DNAI3: variants seen among roughly 807,000 people sequenced by gnomAD.
DNAI3 encodes dynein axonemal intermediate chain 3, also known as WD repeat domain 63.
A neutral mutation model predicts 115.5 loss-of-function variants in DNAI3; 83 were observed. That is an observed-to-expected ratio of 0.72 (90% CI 0.60 to 0.86). The LOEUF (loss-of-function observed/expected upper bound fraction) is 0.86. Among genes scored for constraint, DNAI3 ranks in the 40% least tolerant of loss-of-function variants. DNAI3 has a pLI of 0.00. For missense variants in DNAI3, 1,004 were observed against 1,075.8 expected, an observed-to-expected ratio of 0.93 and a Z score of 0.93; for synonymous variants, 320 against 347.0, an observed-to-expected ratio of 0.92 and a Z score of 0.86.
intron 8 of DNAI3, among the ~76,000 whole-genome samples, chr1:85,091,187 A>G (rs914455282): frequency 1.8e-4 from 27 of 152,184 alleles, no homozygotes; most frequent in African/African-American, 6.0e-4. Context: ...TCCCCTTATC[A>G]AAATTTAGTA....
At chr1:85,097,542 T>A in intron 11 of DNAI3, 27 bp from the exon 12 acceptor site, 1 of 1,580,036 alleles carries the variant, frequency 6.3e-7, no homozygotes, top group Non-Finnish European at 8.6e-7. Context: ...TCTGAAAAGG[T>A]TATGATAACA....
intron 14 of DNAI3, among the ~76,000 whole-genome samples, chr1:85,107,013 A>G (rs183316850): frequency 6.6e-6 from 1 of 152,220 alleles, no homozygotes; most frequent in African/African-American, 2.4e-5. Context: ...AATGCAACCC[A>G]AAACTACTTT....
chr1:85,097,750 A>G (rs1655166567), intron 12 of DNAI3, 95 bp downstream of exon 12: 1 of 1,087,134 alleles, frequency 9.2e-7, no homozygotes, highest in Non-Finnish European at 1.3e-6. Flanking sequence ...TAAAAACTCA[A>G]GAGAAAAAAG....
intron 11 of DNAI3, among the ~76,000 whole-genome samples, chr1:85,096,738 C>T (rs1197702272): frequency 6.6e-6 from 1 of 151,968 alleles, no homozygotes; most frequent in African/African-American, 2.4e-5. Context: ...GTTTGAAAAA[C>T]TTCCTTGTGG....
chr1:85,073,725 A>G (rs747003475), intron 3 of DNAI3, among the ~76,000 whole-genome samples: 1 of 152,208 alleles, frequency 6.6e-6, no homozygotes, highest in Non-Finnish European at 1.5e-5. Context: ...GAATGAGGAA[A>G]TATTGGTAGT....
intron 13 of DNAI3, among the ~76,000 whole-genome samples, chr1:85,103,782 G>C (rs141384398): frequency 0.052 from 7,863 of 151,628 alleles, 274 homozygotes; most frequent in East Asian, 0.15. Flanking sequence ...AGCTACTCAG[G>C]AGGCTGACCC....
chr1:85,071,886 CA>C (rs1350144724), intron 1 of DNAI3, 41 bp from the exon 2 acceptor site: 1 of 1,549,082 alleles, frequency 6.5e-7, no homozygotes, highest in African/African-American at 1.4e-5. Context: ...AAGTTGTTTG[CA>C]AATTGTAACA....
rs974039116 is a variant in DNAI3 at position 85,118,000 on chromosome 1, A to G, written c.1917+141A>G. On this transcript the variant is annotated intron_variant, in intron 17 of 22. Transcript: ENST00000294664. ...ATTTTAGTATGCTTGTTTGCATTAA[A>G]CATTTTTAACTCTGATACCTCATAG... is the stretch of plus-strand genomic sequence containing the variant. 6 of 1,030,140 alleles carry G rather than the reference A, an allele frequency of 5.8e-6. No individual in the cohort carries two copies. The African/African-American group carries it at 8.1e-5, about 14-fold the overall frequency. 63.8% of individuals were successfully genotyped at this position (1,030,140 alleles called of 1,614,324 possible).
chr1:85,085,435 C>T (rs1654773353), intron 6 of DNAI3, among the ~76,000 whole-genome samples: 1 of 152,138 alleles, frequency 6.6e-6, no homozygotes, highest in Non-Finnish European at 1.5e-5. Context: ...TGGAGGAAGG[C>T]CTGCCAGGCT....
chr1:85,116,194 T>G (rs999413519), intron 16 of DNAI3, among the ~76,000 whole-genome samples: 2 of 152,208 alleles, frequency 1.3e-5, no homozygotes, highest in Non-Finnish European at 2.9e-5. Context: ...CTGAGAATTC[T>G]CCATCTGACT....
intron 18 of DNAI3, among the ~76,000 whole-genome samples, chr1:85,122,776 A>G (rs1656028301): frequency 6.6e-6 from 1 of 152,194 alleles, no homozygotes; most frequent in African/African-American, 2.4e-5. Context: ...AGAAAACATT[A>G]GTATAAAGTG....
At chr1:85,094,329 CA>C (rs1453307067) in intron 9 of DNAI3, 101 bp from the exon 10 acceptor site, 1 of 1,490,040 alleles carries the variant, frequency 6.7e-7, no homozygotes, top group Admixed American at 1.9e-5. Flanking sequence ...CTCCTGTGGA[CA>C]AAGTGTAAAT....
chr1:85,125,808 T>C (rs142173894), intron 19 of DNAI3, among the ~76,000 whole-genome samples: 41 of 152,314 alleles, frequency 2.7e-4, no homozygotes, highest in African/African-American at 9.6e-4. Flanking sequence ...CAGATGTAAG[T>C]AGGCGAAGGA....
intron 3 of DNAI3, among the ~76,000 whole-genome samples, chr1:85,076,769 A>C (rs1654468581): frequency 6.6e-6 from 1 of 152,204 alleles, no homozygotes; most frequent in South Asian, 2.1e-4. Context: ...GGGTGGGGAC[A>C]CAGCAAAACC....
chr1:85,087,250 A>G (rs1654824038), intron 7 of DNAI3, among the ~76,000 whole-genome samples: 2 of 151,880 alleles, frequency 1.3e-5, no homozygotes, highest in African/African-American at 2.4e-5. Flanking sequence ...ATCCTGGCCA[A>G]CACGGTGAAA....
chr1:85,124,439 T>C (rs2100614624), intron 19 of DNAI3, among the ~76,000 whole-genome samples, 188 bp downstream of exon 19: 1 of 152,346 alleles, frequency 6.6e-6, no homozygotes, highest in East Asian at 1.9e-4. Flanking sequence ...TCATTTGTTT[T>C]TCCTTCCTGA....
intron 3 of DNAI3, among the ~76,000 whole-genome samples, chr1:85,077,465 C>G (rs958215452): frequency 6.6e-6 from 1 of 152,146 alleles, no homozygotes; most frequent in Non-Finnish European, 1.5e-5. Context: ...TTAAGATTTT[C>G]TTTTTTAAAA....
In DNAI3 at chr1:85,126,731, C is replaced by T. The variant is rs754198760; in HGVS notation, c.2317+16C>T. The T allele has an allele frequency of 2.0e-5, 32 of 1,613,484 alleles. No homozygotes were observed. Among genetic ancestry groups the T allele is most frequent in the Admixed American group, 3.3e-5 (2 of 59,988 alleles). ...ATCTTTTCTTGTATGTTAATTCTAA[C>T]TAAATAAGCTAAGTCATTTTGGGTA... On this transcript the variant is annotated intron_variant, in intron 20 of 22. Coordinates refer to ENST00000294664, the MANE Select transcript of DNAI3 (RefSeq NM_145172.5).
chr1:85,128,862 A>T (rs1038885005), intron 21 of DNAI3, 63 bp downstream of exon 21: 8 of 1,451,896 alleles, frequency 5.5e-6, no homozygotes, highest in African/African-American at 2.9e-5. Flanking sequence ...ATATGTCTTT[A>T]AAAAAATGTT....
Sources: gnomAD v4.1 joint callset for allele counts (sites outside exome capture counted in the v4.1 genomes callset) on GRCh38, gnomAD v4.1.1 for gene constraint, MANE v1.5 for transcripts, NCBI Gene and HGNC (gene_info 2026-07-23, HGNC 2026-07-21) for gene names.